SPHKAP: variants seen among roughly 807,000 people sequenced by gnomAD.
SPHKAP encodes SPHK1 interactor, AKAP domain containing.
SPHKAP carries 67 observed loss-of-function variants against 137.5 expected under a neutral mutation model. The observed-to-expected ratio is 0.49, with a 90% CI of 0.40 to 0.60. The LOEUF is 0.60. Ranked by LOEUF, SPHKAP falls within the 20% of genes least tolerant of loss-of-function variation. The pLI, the probability that SPHKAP is intolerant of heterozygous loss-of-function variation, is 0.00. For synonymous variants in SPHKAP, 813 were observed against 785.3 expected (o/e 1.04, Z -0.59); for missense variants, 2,097 against 2,069.3 (o/e 1.01, Z -0.26).
At chr2:228,014,159 A>G (rs1246570732) in intron 7 of SPHKAP, among the ~76,000 whole-genome samples, 1 of 152,214 alleles carries the variant, frequency 6.6e-6, no homozygotes, top group African/African-American at 2.4e-5. Context: ...TCAGCCTACA[A>G]TCATAAATCT....
chr2:228,174,681 A>G (rs1700686574), intron 1 of SPHKAP, among the ~76,000 whole-genome samples: 1 of 152,214 alleles, frequency 6.6e-6, no homozygotes, highest in South Asian at 2.1e-4. Context: ...AAAAGCAAGG[A>G]AAATAGAAAA....
At chr2:228,132,622 T>C (rs1420997704) in intron 1 of SPHKAP, 1 of 298,118 alleles carries the variant, frequency 3.4e-6, no homozygotes, top group African/African-American at 2.3e-5. Context: ...TCCAAAATTA[T>C]AGACTTATAT....
intron 3 of SPHKAP, among the ~76,000 whole-genome samples, chr2:228,101,283 AT>A (rs1317139453): frequency 2.0e-5 from 3 of 152,084 alleles, no homozygotes; most frequent in African/African-American, 7.2e-5. Context: ...GTTATTCCTG[AT>A]TTCTCTCTTT....
rs753465860 is a variant in SPHKAP, at chr2:228,018,067, A to G, written c.2787T>C (p.Phe929=). The change falls in exon 7 of 12, where the codon TTT becomes TTC. Residue 929 remains phenylalanine, a synonymous_variant. Coordinates refer to ENST00000392056, the MANE Select transcript of SPHKAP (RefSeq NM_001142644.2). ...CGACCGTGTCTGCTAATTCTTCCGC[A>G]AAGTCTGTAATGCAGTAGATGTCTG... ...KHPDIYCITD[F]AEELADTVVS... is the part of the protein sequence containing the mutation. 4 of 1,614,188 alleles carry G rather than the reference A, an allele frequency of 2.5e-6. No individual in the cohort carries two copies. The highest frequency in any genetic ancestry group is 1.6e-4 in the Middle Eastern group (1 of 6,062).
At chr2:228,128,200 T>C (rs1460402185) in intron 2 of SPHKAP, among the ~76,000 whole-genome samples, 1 of 152,212 alleles carries the variant, frequency 6.6e-6, no homozygotes, top group Non-Finnish European at 1.5e-5. Context: ...ACTTTCAAAA[T>C]TGGAGTTAAC....
At chr2:228,034,120 G>C (rs1297655777) in intron 3 of SPHKAP, among the ~76,000 whole-genome samples, 1 of 151,972 alleles carries the variant, frequency 6.6e-6, no homozygotes, top group African/African-American at 2.4e-5. Context: ...CAACAAAATT[G>C]ATAGACCGCT....
At chr2:228,102,640 T>A (rs1479011067) in intron 3 of SPHKAP, among the ~76,000 whole-genome samples, 1 of 152,246 alleles carries the variant, frequency 6.6e-6, no homozygotes, top group African/African-American at 2.4e-5. Flanking sequence ...CTGCACTCCA[T>A]ACAGTATTTA....
At chr2:227,995,988 G>C (rs962371817) in intron 7 of SPHKAP, 128 of 985,336 alleles carry the variant, frequency 1.3e-4, no homozygotes, top group Non-Finnish European at 1.5e-4. Context: ...GAATTATTGA[G>C]GGACAATGAT....
intron 1 of SPHKAP, among the ~76,000 whole-genome samples, chr2:228,146,050 G>C (rs762207459): frequency 6.6e-6 from 1 of 151,690 alleles, no homozygotes; most frequent in Non-Finnish European, 1.5e-5. Context: ...TTTTGCTTTT[G>C]TTTTTGCCTT....
intron 1 of SPHKAP, chr2:228,132,421 T>G (rs1185888477): frequency 2.0e-5 from 8 of 401,388 alleles, no homozygotes; most frequent in Non-Finnish European, 2.7e-5. Flanking sequence ...TTTTCTCAAT[T>G]GCCACATTAA....
chr2:228,013,286 C>G (rs1408219273), intron 7 of SPHKAP, among the ~76,000 whole-genome samples: 1 of 152,096 alleles, frequency 6.6e-6, no homozygotes, highest in Non-Finnish European at 1.5e-5. Context: ...GAGTCTTGCC[C>G]CGTCACCCAG....
chr2:228,098,034 T>C (rs376474247), intron 3 of SPHKAP, among the ~76,000 whole-genome samples: 12 of 152,328 alleles, frequency 7.9e-5, no homozygotes, highest in African/African-American at 2.9e-4. Context: ...GCAGTTCTGT[T>C]TTAATTTATT....
At chr2:228,180,869 C>G (rs115753459) in intron 1 of SPHKAP, among the ~76,000 whole-genome samples, 1,618 of 152,232 alleles carry the variant, frequency 0.011, 21 homozygotes, top group African/African-American at 0.037. Context: ...AGAAACACAC[C>G]CCGAAAAACA....
chr2:227,987,441 A>T (rs146012775), intron 11 of SPHKAP, among the ~76,000 whole-genome samples: 37 of 152,284 alleles, frequency 2.4e-4, no homozygotes, highest in African/African-American at 7.7e-4. Context: ...GTAGGAAGTG[A>T]TGTCTCTTGC....
chr2:228,155,710 T>C (rs537541870), intron 1 of SPHKAP, among the ~76,000 whole-genome samples: 190 of 152,182 alleles, frequency 1.2e-3, no homozygotes, highest in Non-Finnish European at 2.3e-3. Flanking sequence ...AGTCCAACTA[T>C]GGTGATTATG....
intron 4 of SPHKAP, 59 bp from the exon 5 acceptor site, chr2:228,025,587 A>T: frequency 1.3e-6 from 2 of 1,589,452 alleles, no homozygotes. Flanking sequence ...TACTACTCAC[A>T]AACTACTTTA....
At chr2:228,051,995 T>C (rs938248182) in intron 3 of SPHKAP, among the ~76,000 whole-genome samples, 2 of 152,158 alleles carry the variant, frequency 1.3e-5, no homozygotes, top group Non-Finnish European at 2.9e-5. Flanking sequence ...ATATGAATTT[T>C]GGAGTGACAC....
chr2:228,138,822 T>C (rs1478472221), intron 1 of SPHKAP, among the ~76,000 whole-genome samples: 27 of 152,170 alleles, frequency 1.8e-4, no homozygotes, highest in Admixed American at 1.8e-3. Context: ...GCTTTAACCA[T>C]CATTCTTCAA....
chr2:228,004,294 G>T (rs1302602855), intron 7 of SPHKAP, among the ~76,000 whole-genome samples: 2 of 152,178 alleles, frequency 1.3e-5, no homozygotes, highest in African/African-American at 4.8e-5. Flanking sequence ...TCTTGAGAGG[G>T]TGTATGTGTT....
Sources: allele counts gnomAD v4.1 joint callset (sites outside exome capture counted in the v4.1 genomes callset), GRCh38; gene constraint gnomAD v4.1.1; transcripts MANE v1.5; gene names NCBI Gene and HGNC (gene_info 2026-07-23, HGNC 2026-07-21).